Variants in LHFPL3 observed in about 807,000 individuals in gnomAD.
LHFPL3 encodes the protein LHFPL tetraspan subfamily member 3 protein.
In LHFPL3, 5 loss-of-function variants were observed where a neutral mutation model predicts 19.3. The observed-to-expected ratio is 0.26, with a 90% CI of 0.14 to 0.54. The LOEUF is 0.54. Ranked by LOEUF, LHFPL3 falls within the 20% of genes least tolerant of loss-of-function variation. LHFPL3 has a pLI of 0.94. For missense variants in LHFPL3, 249 were observed against 307.4 expected (o/e 0.81, Z 1.42); for synonymous variants, 133 against 126.2 (o/e 1.05, Z -0.36).
At chr7:104,772,816 C>T (rs987532589) in intron 2 of LHFPL3, among the ~76,000 whole-genome samples, 2 of 152,212 alleles carry the variant, frequency 1.3e-5, no homozygotes, top group African/African-American at 4.8e-5. Context: ...AGACACATGA[C>T]TCAGGCTTCA....
chr7:104,586,630 A>G (rs2115599992), intron 1 of LHFPL3, among the ~76,000 whole-genome samples: 1 of 152,204 alleles, frequency 6.6e-6, no homozygotes, highest in African/African-American at 2.4e-5. Context: ...GACTTTATAT[A>G]TTTTTTAAAG....
At chr7:104,447,295 T>G (rs1234053646) in intron 1 of LHFPL3, among the ~76,000 whole-genome samples, 1 of 152,168 alleles carries the variant, frequency 6.6e-6, no homozygotes, top group African/African-American at 2.4e-5. Flanking sequence ...ATAACTTACT[T>G]TAGTCTGCAG....
chr7:104,772,992 G>A (rs1021180901), intron 2 of LHFPL3, among the ~76,000 whole-genome samples: 2 of 152,242 alleles, frequency 1.3e-5, no homozygotes, highest in Non-Finnish European at 2.9e-5. Flanking sequence ...GAGAAGCTGA[G>A]GCAGGTTTTT....
intron 1 of LHFPL3, among the ~76,000 whole-genome samples, chr7:104,526,997 C>T (rs1794201307): frequency 6.6e-6 from 1 of 152,072 alleles, no homozygotes; most frequent in African/African-American, 2.4e-5. Context: ...AAAGGAATAA[C>T]AGGGGGTGCT....
At chr7:104,673,343 G>T (rs1246485813) in intron 1 of LHFPL3, among the ~76,000 whole-genome samples, 1 of 152,196 alleles carries the variant, frequency 6.6e-6, no homozygotes, top group Non-Finnish European at 1.5e-5. Context: ...ATACTAAATA[G>T]TTCGCTTTTA....
At chr7:104,427,988 T>C (rs1791881317) in intron 1 of LHFPL3, among the ~76,000 whole-genome samples, 1 of 152,236 alleles carries the variant, frequency 6.6e-6, no homozygotes. Context: ...AGAACTTCTC[T>C]AATTAAAATG....
chr7:104,717,638 A>G (rs549848189), intron 1 of LHFPL3, among the ~76,000 whole-genome samples: 1 of 151,912 alleles, frequency 6.6e-6, no homozygotes, highest in South Asian at 2.1e-4. Context: ...TGACTACTAT[A>G]AAAAAAAGGC....
chr7:104,606,451 T>C (rs1441700627), intron 1 of LHFPL3, among the ~76,000 whole-genome samples: 1 of 152,248 alleles, frequency 6.6e-6, no homozygotes, highest in Non-Finnish European at 1.5e-5. Flanking sequence ...TGAAATGCTC[T>C]GTCTTTTGTG....
intron 1 of LHFPL3, among the ~76,000 whole-genome samples, chr7:104,700,173 T>C (rs1268539082): frequency 6.6e-6 from 1 of 152,218 alleles, no homozygotes; most frequent in East Asian, 1.9e-4. Context: ...CAAGAGGAGC[T>C]GCCTTGAGCC....
intron 2 of LHFPL3, among the ~76,000 whole-genome samples, chr7:104,761,638 C>G (rs1214247838): frequency 1.3e-5 from 2 of 152,146 alleles, no homozygotes; most frequent in African/African-American, 4.8e-5. Flanking sequence ...AGTTCTCTCT[C>G]TTTACCGTAC....
At chr7:104,566,496 T>C (rs1397232482) in intron 1 of LHFPL3, among the ~76,000 whole-genome samples, 1 of 152,210 alleles carries the variant, frequency 6.6e-6, no homozygotes, top group African/African-American at 2.4e-5. Context: ...TACAAGGGCA[T>C]CCAGGGCTTT....
At chr7:104,430,246 C>G (rs971759145) in intron 1 of LHFPL3, among the ~76,000 whole-genome samples, 6 of 148,954 alleles carry the variant, frequency 4.0e-5, no homozygotes, top group Non-Finnish European at 1.5e-5. Flanking sequence ...AATGAAGATA[C>G]CAGAGTAGGA....
chr7:104,394,201 C>G (rs1049189368), intron 1 of LHFPL3, among the ~76,000 whole-genome samples: 4 of 152,158 alleles, frequency 2.6e-5, no homozygotes, highest in Non-Finnish European at 5.9e-5. Context: ...TACTGTACAT[C>G]AGATCACTTG....
At chr7:104,380,167 T>C (rs1444322116) in intron 1 of LHFPL3, among the ~76,000 whole-genome samples, 1 of 152,184 alleles carries the variant, frequency 6.6e-6, no homozygotes, top group Non-Finnish European at 1.5e-5. Flanking sequence ...GTTTCTCCAG[T>C]GCAAAATGGG....
At chr7:104,606,544 C>T (rs1279248269) in intron 1 of LHFPL3, among the ~76,000 whole-genome samples, 1 of 152,150 alleles carries the variant, frequency 6.6e-6, no homozygotes, top group Non-Finnish European at 1.5e-5. Flanking sequence ...ACCACTCCAG[C>T]CTGCCTCAAA....
chr7:104,402,123 A>C (rs1214698947), intron 1 of LHFPL3, among the ~76,000 whole-genome samples: 1 of 152,064 alleles, frequency 6.6e-6, no homozygotes, highest in Non-Finnish European at 1.5e-5. Context: ...AAAAACAAAC[A>C]AAAAAGCTTC....
chr7:104,498,496 GT>G (rs35269120), intron 1 of LHFPL3, among the ~76,000 whole-genome samples: 19,487 of 134,660 alleles, frequency 0.14, 1,064 homozygotes, highest in East Asian at 0.28. Context: ...TGGAAGCAAT[GT>G]TTTTTTTTTT....
intron 2 of LHFPL3, among the ~76,000 whole-genome samples, chr7:104,782,258 C>A (rs953726686): frequency 6.6e-6 from 1 of 152,198 alleles, no homozygotes; most frequent in African/African-American, 2.4e-5. Flanking sequence ...TGTCAATCTT[C>A]TCACAATGCA....
At chr7:104,879,345 G>T (rs1792004004) in intron 2 of LHFPL3, among the ~76,000 whole-genome samples, 1 of 152,174 alleles carries the variant, frequency 6.6e-6, no homozygotes, top group Non-Finnish European at 1.5e-5. Flanking sequence ...GAGCCTGGGA[G>T]GCAAGGGTTG....
Sources: allele counts gnomAD v4.1 joint callset (sites outside exome capture counted in the v4.1 genomes callset), GRCh38; gene constraint gnomAD v4.1.1; transcripts MANE v1.5; gene names NCBI Gene and HGNC (gene_info 2026-07-23, HGNC 2026-07-21).